MYO5B: variants seen among roughly 807,000 people sequenced by gnomAD.
MYO5B encodes the protein myosin VB.
A neutral mutation model predicts 229.3 loss-of-function variants in MYO5B; 143 were observed. The observed-to-expected ratio is 0.62, with a 90% CI of 0.54 to 0.72. The LOEUF (loss-of-function observed/expected upper bound fraction) is 0.72, where lower values mean the gene tolerates loss of function less well. Among genes scored for constraint, MYO5B ranks in the 30% least tolerant of loss-of-function variants. The probability of loss-of-function intolerance (pLI) is 0.00; values close to 1 mark genes in which losing one functional copy is unlikely to be tolerated. For missense variants in MYO5B, 2,321 were observed against 2,331.0 expected (o/e 1.00, Z 0.09); for synonymous variants, 918 against 885.2 (o/e 1.04, Z -0.66).
At chr18:50,012,195 T>C (rs2026169093) in intron 4 of MYO5B, among the ~76,000 whole-genome samples, 1 of 152,240 alleles carries the variant, frequency 6.6e-6, no homozygotes, top group South Asian at 2.1e-4. Flanking sequence ...TACTAGAACA[T>C]GAGTTCTGCT....
At chr18:50,074,736 T>C (rs2031038817) in intron 1 of MYO5B, among the ~76,000 whole-genome samples, 1 of 152,206 alleles carries the variant, frequency 6.6e-6, no homozygotes, top group African/African-American at 2.4e-5. Context: ...GATTTTCTTA[T>C]CTGAAACGAT....
intron 12 of MYO5B, among the ~76,000 whole-genome samples, chr18:49,961,424 A>C (rs1268194510): frequency 6.6e-6 from 1 of 152,268 alleles, no homozygotes; most frequent in Admixed American, 6.5e-5. Flanking sequence ...AAAGGCAACA[A>C]AACTAGGAGA....
At chr18:50,015,475 T>C (rs945317653) in intron 4 of MYO5B, among the ~76,000 whole-genome samples, 5 of 152,242 alleles carry the variant, frequency 3.3e-5, no homozygotes, top group South Asian at 2.1e-4. Flanking sequence ...TTTTCAGTAA[T>C]AGTTATAAGA....
rs1288830583 is a variant in MYO5B at position 50,170,846 on chromosome 18, A to T, written c.27+23921T>A. On this transcript the variant is annotated intron_variant, in intron 1 of 39. Transcript: ENST00000285039. ...GAATGACTAGAACAAGAGATCAAGT[A>T]AGAGTAAACAGGAAAAGAGACATTT... Among the ~76,000 whole-genome samples the T allele has an allele frequency of 1.2e-4, 15 of 128,584 alleles. 6 individuals carry two copies. Among genetic ancestry groups the T allele is most frequent in the African/African-American group, 4.4e-4 (15 of 34,078 alleles). The allele number at this position is 128,584 out of a possible 152,430, so 84.4% of individuals were successfully genotyped here.
chr18:49,978,231 T>A (rs2025774238), intron 9 of MYO5B, among the ~76,000 whole-genome samples: 1 of 152,090 alleles, frequency 6.6e-6, no homozygotes, highest in African/African-American at 2.4e-5. Context: ...GTTCCCACCC[T>A]CATACTATCT....
intron 1 of MYO5B, among the ~76,000 whole-genome samples, chr18:50,124,298 C>T (rs2032119677): frequency 6.6e-6 from 1 of 152,126 alleles, no homozygotes. Flanking sequence ...CAGAGTTTTC[C>T]AATACACAGT....
At chr18:49,896,926 G>C (rs946787667) in intron 21 of MYO5B, among the ~76,000 whole-genome samples, 1 of 152,142 alleles carries the variant, frequency 6.6e-6, no homozygotes, top group Non-Finnish European at 1.5e-5. Context: ...TGTAAAACAG[G>C]AATATAATAG....
At chr18:50,048,063 A>G (rs2030286329) in intron 2 of MYO5B, among the ~76,000 whole-genome samples, 1 of 148,442 alleles carries the variant, frequency 6.7e-6, no homozygotes, top group African/African-American at 2.5e-5. Context: ...CGTTGTGCAC[A>G]TGTACCCAAA....
chr18:49,944,852 T>C (rs2025353906), intron 14 of MYO5B, among the ~76,000 whole-genome samples: 1 of 151,994 alleles, frequency 6.6e-6, no homozygotes, highest in South Asian at 2.1e-4. Context: ...AGACACCGCC[T>C]TCCACGCCGC....
intron 12 of MYO5B, 54 bp from the exon 13 acceptor site, chr18:49,954,489 C>T: frequency 6.2e-7 from 1 of 1,611,666 alleles, no homozygotes. Flanking sequence ...GAAGGAAGCC[C>T]TGGGTTGCAG....
intron 4 of MYO5B, among the ~76,000 whole-genome samples, chr18:50,017,482 C>T (rs1196292561): frequency 1.3e-5 from 2 of 152,138 alleles, no homozygotes; most frequent in African/African-American, 4.8e-5. Flanking sequence ...ATACTTCATT[C>T]GTTTTTATAG....
intron 1 of MYO5B, chr18:50,097,284 G>A (rs1328840150): frequency 6.6e-6 from 3 of 456,656 alleles, no homozygotes; most frequent in South Asian, 4.6e-5. Flanking sequence ...TTGTGCTAGT[G>A]TGGCTCACAT....
chr18:49,890,356 T>C (rs1005197736), intron 22 of MYO5B, among the ~76,000 whole-genome samples: 6 of 133,262 alleles, frequency 4.5e-5, no homozygotes, highest in African/African-American at 1.6e-4. Flanking sequence ...TCAACACCAT[T>C]CAGCAGCTCC....
intron 1 of MYO5B, among the ~76,000 whole-genome samples, chr18:50,073,038 C>A (rs546088527): frequency 6.6e-6 from 1 of 152,188 alleles, no homozygotes; most frequent in Non-Finnish European, 1.5e-5. Flanking sequence ...AAGATTTACT[C>A]CTAGCCAAGG....
At chr18:50,140,971 A>C (rs1300444937) in intron 1 of MYO5B, among the ~76,000 whole-genome samples, 1 of 152,170 alleles carries the variant, frequency 6.6e-6, no homozygotes, top group South Asian at 2.1e-4. Flanking sequence ...TACTCAAAAT[A>C]CTGCCAATCA....
rs549943491 is a variant in MYO5B at position 50,065,473 on chromosome 18, G to C, written c.28-10095C>G. ...GCAGCAGCAAGCACCTTCTTCAAAA[G>C]GTGGCAGGAAAAGAAAAAGTGCAGG... On this transcript the variant is annotated intron_variant, in intron 1 of 39. Coordinates refer to ENST00000285039, the MANE Select transcript of MYO5B (RefSeq NM_001080467.3). Among the ~76,000 whole-genome samples, 8 of 152,234 alleles carry C rather than the reference G, an allele frequency of 5.3e-5. No homozygotes were observed. The South Asian group carries it at 1.7e-3, about 32-fold the overall frequency.
chr18:49,896,255 A>C (rs2024777943), intron 21 of MYO5B, among the ~76,000 whole-genome samples: 1 of 152,112 alleles, frequency 6.6e-6, no homozygotes, highest in Admixed American at 6.5e-5. Context: ...CTGCACCAAC[A>C]CAACAGAATG....
chr18:49,857,632 G>C (rs143207203), intron 29 of MYO5B, among the ~76,000 whole-genome samples: 1 of 152,212 alleles, frequency 6.6e-6, no homozygotes, highest in South Asian at 2.1e-4. Context: ...TGGGACTGGG[G>C]TGCGTTACCA....
intron 9 of MYO5B, among the ~76,000 whole-genome samples, chr18:49,978,694 T>TACACACACACACACACACACAC (rs10527520): frequency 2.2e-5 from 3 of 139,140 alleles, no homozygotes; most frequent in Non-Finnish European, 3.1e-5. Flanking sequence ...CAGCAAGTAA[T>TACACACACACACACACACACAC]ACACACACAC....
Sources: gnomAD v4.1 joint callset for allele counts (sites outside exome capture counted in the v4.1 genomes callset) on GRCh38, gnomAD v4.1.1 for gene constraint, MANE v1.5 for transcripts, NCBI Gene and HGNC (gene_info 2026-07-23, HGNC 2026-07-21) for gene names.